CES2: variants seen among roughly 807,000 people sequenced by gnomAD.
CES2 encodes cocaine esterase.
A neutral mutation model predicts 52.1 loss-of-function variants in CES2; 42 were observed. The observed-to-expected ratio is 0.81, with a 90% confidence interval of 0.63 to 1.04. The LOEUF is 1.04. Ranked by LOEUF, CES2 falls within the 50% of genes least tolerant of loss-of-function variation. The pLI, the probability that CES2 is intolerant of heterozygous loss-of-function variation, is 0.00. For synonymous variants in CES2, 277 were observed against 289.6 expected, an observed-to-expected ratio of 0.96 and a Z score of 0.44; for missense variants, 656 against 724.3, an observed-to-expected ratio of 0.91 and a Z score of 1.08.
At chr16:66,935,144 G>C (rs913398572), upstream of CES2, 2 of 346,894 alleles carry the variant, frequency 5.8e-6, no homozygotes, top group Non-Finnish European at 1.1e-5. Context: ...TCCTGCCTTT[G>C]CTCAAGCGGT....
In CES2 at chr16:66,942,700, C is replaced by T; in HGVS notation, c.1335C>T (p.Leu445=). ...FYEFQHQPSW[L]KNIRPPHMKA... ...AGTTCCAGCATCAGCCCAGCTGGCT[C>T]AAGAACATCAGGCCACCGCACATGA... Residue 445 remains leucine (L), a synonymous_variant, in exon 10 of 12, where the codon CTC becomes CTT. Transcript: ENST00000317091. 1 of 1,614,264 alleles carries T rather than the reference C, an allele frequency of 6.2e-7. No individual in the cohort carries two copies. Among genetic ancestry groups the T allele is most frequent in the Non-Finnish European group, 8.5e-7 (1 of 1,180,052 alleles).
At position 66,941,767 on chromosome 16, in the gene CES2, G is replaced by C; in HGVS notation, c.1057-1G>C. 6.2e-7 allele frequency: 1 copy of C among 1,614,132 alleles called. No individual in the cohort carries two copies. Among genetic ancestry groups the C allele is most frequent in the Non-Finnish European group, 8.5e-7 (1 of 1,180,008 alleles). On this transcript the variant is annotated splice_acceptor_variant, in intron 7 of 11. Coordinates refer to ENST00000317091, the MANE Select transcript of CES2 (RefSeq NM_001365405.1). LOFTEE classifies it high-confidence loss of function. ...CTACAGACTCTCTCCTGGCCATCCA[G>C]GTCATGAGGATCTATGATACCCAGA...
intron 3 of CES2, 92 bp downstream of exon 3, chr16:66,939,450 A>G: frequency 7.4e-7 from 1 of 1,356,108 alleles, no homozygotes; most frequent in Non-Finnish European, 1.0e-6. Context: ...CCTGCTTCAG[A>G]GTGGACCATG....
upstream of CES2, chr16:66,934,579 G>A: frequency 1.4e-6 from 1 of 707,356 alleles, no homozygotes; most frequent in East Asian, 2.9e-5. This position sits in a 1 kb window ranked among gnomAD's most constrained non-coding sequence, Gnocchi z 4.1. Flanking sequence ...AAGGCGCTGA[G>A]AAGGGACCAC....
intron 2 of CES2, 73 bp downstream of exon 2, chr16:66,938,314 CT>C: frequency 9.6e-7 from 1 of 1,046,710 alleles, no homozygotes; most frequent in South Asian, 1.3e-5. Flanking sequence ...CTCAGCTAGG[CT>C]GCAGTTATCA....
chr16:66,940,782 G>A (rs2145505877), intron 5 of CES2, 87 bp downstream of exon 5: 1 of 1,484,034 alleles, frequency 6.7e-7, no homozygotes, highest in African/African-American at 1.4e-5. Context: ...GGATGACAAG[G>A]GCCATCGGGA....
chr16:66,939,116 T>C, intron 2 of CES2, 101 bp from the exon 3 acceptor site: 1 of 950,102 alleles, frequency 1.1e-6, no homozygotes, highest in Non-Finnish European at 1.7e-6. Flanking sequence ...GAGCAGGATA[T>C]TGTGGGAAGG....
intron 9 of CES2, 82 bp from the exon 10 acceptor site, chr16:66,942,566 A>G: frequency 6.6e-7 from 1 of 1,507,666 alleles, no homozygotes; most frequent in Non-Finnish European, 9.1e-7. Context: ...CCAGCTTTGG[A>G]CCTAGGTATC....
At chr16:66,935,355 G>T, upstream of CES2, 1 of 1,371,928 alleles carries the variant, frequency 7.3e-7, no homozygotes, top group Admixed American at 2.2e-5. Flanking sequence ...TGCAGGAATG[G>T]CACAGCCCCT....
In CES2 at chr16:66,943,756, G is replaced by A. The variant is rs1484910597; in HGVS notation, c.1494-83G>A. On this transcript the variant is annotated intron_variant, in intron 11 of 11. Transcript: ENST00000317091. This position sits in a 1 kb window ranked among gnomAD's most constrained non-coding sequence, Gnocchi z 4.2. ...CCTGGCCTGCTTGGCTGCCTTGCCT[G>A]ACCAGACTCAGGGTGCTCAGGTCTG... 2.4e-6 allele frequency: 3 copies of A among 1,227,976 alleles called. No homozygotes were observed. The highest frequency in any genetic ancestry group is 3.4e-6 in the Non-Finnish European group (3 of 881,996). 76.1% of individuals were successfully genotyped at this position (1,227,976 alleles called of 1,614,324 possible).
At chr16:66,939,471 T>C (rs1222749875) in intron 3 of CES2, 113 bp downstream of exon 3, 1 of 1,176,476 alleles carries the variant, frequency 8.5e-7, no homozygotes, top group African/African-American at 1.5e-5. Flanking sequence ...CTGAGAAGCT[T>C]CTCACTGTCA....
Position 66,943,740 on chromosome 16 carries a change from C to A in CES2, c.1494-99C>A, listed in dbSNP as rs917877037. ...TCATTCCCCAAGCCCACCTGGCCTG[C>A]TTGGCTGCCTTGCCTGACCAGACTC... On this transcript the variant is annotated intron_variant, in intron 11 of 11. Coordinates refer to ENST00000317091, the MANE Select transcript of CES2 (RefSeq NM_001365405.1). The surrounding 1 kb of genome is among the most constrained non-coding windows in gnomAD (Gnocchi z 4.2). 2.0e-6 allele frequency: 2 copies of A among 998,110 alleles called. No homozygotes were observed. The highest frequency in any genetic ancestry group is 3.0e-6 in the Non-Finnish European group (2 of 676,052). 61.8% of individuals were successfully genotyped at this position (998,110 alleles called of 1,614,324 possible).
upstream of CES2, chr16:66,935,364 CT>C: frequency 6.9e-7 from 1 of 1,445,222 alleles, no homozygotes. Context: ...GGCACAGCCC[CT>C]TCCGAGGATG....
chr16:66,941,463 T>G (rs1404266247), intron 6 of CES2, 43 bp from the exon 7 acceptor site: 1 of 1,608,196 alleles, frequency 6.2e-7, no homozygotes, highest in South Asian at 1.1e-5. Flanking sequence ...TCGGAAGATG[T>G]CTGGGACCTG....
chr16:66,937,036 A>C (rs2145499252), intron 1 of CES2, among the ~76,000 whole-genome samples: 1 of 150,440 alleles, frequency 6.6e-6, no homozygotes, highest in Admixed American at 6.6e-5. Context: ...AAAAAAAGTC[A>C]AGCATGGTGG....
Position 66,938,017 on chromosome 16 carries a change from G to A in CES2, c.77-20G>A, listed in dbSNP as rs1407981170. The A allele has an allele frequency of 6.2e-7, 1 of 1,608,844 alleles. No individual in the cohort carries two copies. Among genetic ancestry groups the A allele is most frequent in the Non-Finnish European group, 8.5e-7 (1 of 1,175,440 alleles). ...TCGATTGGTCAAACCCAACCGTGAT[G>A]TCTGTCTCTCTGCCCACAGGCCAGG... On this transcript the variant is annotated intron_variant, in intron 1 of 11. Coordinates refer to ENST00000317091, the MANE Select transcript of CES2 (RefSeq NM_001365405.1).
intron 1 of CES2, 25 bp downstream of exon 1, chr16:66,935,736 A>G: frequency 1.3e-6 from 2 of 1,598,938 alleles, no homozygotes; most frequent in African/African-American, 2.7e-5. Context: ...GAGGGGCGAC[A>G]GGGACCGGGC....
intron 5 of CES2, 102 bp from the exon 6 acceptor site, chr16:66,941,022 C>A: frequency 6.6e-7 from 1 of 1,506,308 alleles, no homozygotes; most frequent in South Asian, 1.2e-5. Flanking sequence ...ATACGAAGTA[C>A]CCTCTGAGAT....
chr16:66,935,966 T>TG, intron 1 of CES2: 3 of 1,405,538 alleles, frequency 2.1e-6, no homozygotes, highest in Middle Eastern at 2.7e-4. Flanking sequence ...CGCCGGGACA[T>TG]GCCAGGCCGG....
Sources: gnomAD v4.1 joint callset for allele counts (sites outside exome capture counted in the v4.1 genomes callset) on GRCh38, gnomAD v4.1.1 for gene constraint, Gnocchi (gnomAD v3.1) non-coding constraint, MANE v1.5 for transcripts, NCBI Gene and HGNC (gene_info 2026-07-23, HGNC 2026-07-21) for gene names.